Variants in IMPG1 observed in about 807,000 individuals in gnomAD.
The protein encoded by IMPG1 is interphotoreceptor matrix proteoglycan 1.
In IMPG1, 85 loss-of-function variants were observed where a neutral mutation model predicts 92.0. That is an observed-to-expected ratio of 0.92 (90% CI 0.78 to 1.11). The LOEUF (loss-of-function observed/expected upper bound fraction) is 1.11, where lower values mean the gene tolerates loss of function less well. IMPG1 is among the 50% of genes least tolerant of loss of function. The probability of loss-of-function intolerance (pLI) is 0.00; values close to 1 mark genes in which losing one functional copy is unlikely to be tolerated. For synonymous variants in IMPG1, 367 were observed against 334.1 expected (o/e 1.10, Z -1.08); for missense variants, 1,022 against 956.0 (o/e 1.07, Z -0.91).
intron 15 of IMPG1, among the ~76,000 whole-genome samples, chr6:75,929,694 TATA>T (rs1366023797): frequency 6.7e-6 from 1 of 149,752 alleles, no homozygotes; most frequent in Admixed American, 6.7e-5. Flanking sequence ...AAACTTAAAG[TATA>T]ATAATAATAA....
chr6:75,991,343 A>T (rs1230331128), intron 12 of IMPG1, among the ~76,000 whole-genome samples: 1 of 151,864 alleles, frequency 6.6e-6, no homozygotes, highest in Non-Finnish European at 1.5e-5. Context: ...GTGAGCCAAG[A>T]TTGCACCACT....
At chr6:75,964,880 C>T (rs1368763763) in intron 12 of IMPG1, among the ~76,000 whole-genome samples, 1 of 152,080 alleles carries the variant, frequency 6.6e-6, no homozygotes, top group Non-Finnish European at 1.5e-5. Context: ...CCCACCCATA[C>T]CCTTCTTAAC....
At chr6:75,972,623 C>T (rs1782442375) in intron 12 of IMPG1, among the ~76,000 whole-genome samples, 1 of 152,190 alleles carries the variant, frequency 6.6e-6, no homozygotes, top group Non-Finnish European at 1.5e-5. Context: ...AATGAACAGT[C>T]TCCCAATTTT....
intron 13 of IMPG1, among the ~76,000 whole-genome samples, chr6:75,948,331 C>G (rs772905098): frequency 6.6e-6 from 1 of 151,988 alleles, no homozygotes; most frequent in Non-Finnish European, 1.5e-5. Context: ...ATGTTTGAAA[C>G]TCAGTGATGT....
intron 12 of IMPG1, among the ~76,000 whole-genome samples, chr6:75,974,428 GCTTCCTTC>G (rs1224488663): frequency 7.3e-5 from 7 of 96,314 alleles, no homozygotes; most frequent in African/African-American, 2.5e-4. Flanking sequence ...TTCCTTCCTT[GCTTCCTTC>G]CTTCCTTCCT....
intron 12 of IMPG1, among the ~76,000 whole-genome samples, chr6:75,994,247 G>A (rs1782861777): frequency 6.6e-6 from 1 of 152,208 alleles, no homozygotes; most frequent in Non-Finnish European, 1.5e-5. Flanking sequence ...TGTGTAGGAG[G>A]ACAAAGCATG....
At chr6:75,992,947 G>C (rs1367257193) in intron 12 of IMPG1, among the ~76,000 whole-genome samples, 1 of 152,066 alleles carries the variant, frequency 6.6e-6, no homozygotes, top group Non-Finnish European at 1.5e-5. Context: ...ATGTACCTCT[G>C]TTTAGTCTAT....
chr6:75,927,441 A>C (rs1226645815), intron 15 of IMPG1, among the ~76,000 whole-genome samples: 2 of 152,140 alleles, frequency 1.3e-5, no homozygotes, highest in East Asian at 3.9e-4. Flanking sequence ...ATTTCATCAC[A>C]TAAATGATAG....
chr6:75,971,665 G>A (rs1782419874), intron 12 of IMPG1, among the ~76,000 whole-genome samples: 1 of 152,052 alleles, frequency 6.6e-6, no homozygotes, highest in East Asian at 1.9e-4. Flanking sequence ...GGAGTGTCAG[G>A]AAAAAATGTG....
chr6:75,946,627 T>C (rs1175622050), intron 14 of IMPG1, among the ~76,000 whole-genome samples: 4 of 152,230 alleles, frequency 2.6e-5, no homozygotes, highest in Non-Finnish European at 5.9e-5. Flanking sequence ...TTTGCTTTAT[T>C]ATCAGAGCAA....
At chr6:75,933,663 G>A (rs1781697290) in intron 14 of IMPG1, among the ~76,000 whole-genome samples, 1 of 152,344 alleles carries the variant, frequency 6.6e-6, no homozygotes, top group Non-Finnish European at 1.5e-5. Flanking sequence ...TAGCATCCCA[G>A]TAGATTCTGG....
In IMPG1 at chr6:75,931,027, G is replaced by T. The variant is rs370665501; in HGVS notation, c.2169C>A (p.Asp723Glu). 1 of 1,614,038 alleles carries T rather than the reference G, an allele frequency of 6.2e-7. No homozygotes were observed. The highest frequency in any genetic ancestry group is 1.7e-5 in the Admixed American group (1 of 59,994). Residue 723 changes from aspartate (D) to glutamate (E), a missense_variant, in exon 15 of 17, where the codon GAC (aspartate) becomes GAA (glutamate). Transcript: ENST00000369950. ...KPGYDSQGSL[D>E]GLEPGLCGPG... is the part of the protein sequence containing the mutation. ...GGCCACAGAGGCCTGGTTCCAGACC[G>T]TCCAGGCTCCCCTGGCTGTCATATC...
intron 15 of IMPG1, among the ~76,000 whole-genome samples, chr6:75,926,360 T>C (rs1734824795): frequency 6.6e-6 from 1 of 152,116 alleles, no homozygotes; most frequent in African/African-American, 2.4e-5. Context: ...GAGAAAGAGC[T>C]CCAAAGGGAG....
intron 7 of IMPG1, among the ~76,000 whole-genome samples, chr6:76,012,854 T>A (rs886372701): frequency 1.3e-5 from 2 of 152,198 alleles, no homozygotes; most frequent in Non-Finnish European, 2.9e-5. Flanking sequence ...TCTGCCTTTG[T>A]CCTCAGCCTC....
chr6:75,955,563 CCT>C (rs1468210144), intron 12 of IMPG1, among the ~76,000 whole-genome samples: 1 of 152,204 alleles, frequency 6.6e-6, no homozygotes, highest in Non-Finnish European at 1.5e-5. Flanking sequence ...AATTCGACTT[CCT>C]CTCTTCCTAT....
chr6:75,970,130 TA>T (rs1292886334), intron 12 of IMPG1, among the ~76,000 whole-genome samples: 1 of 152,146 alleles, frequency 6.6e-6, no homozygotes, highest in Non-Finnish European at 1.5e-5. Context: ...AAGGATATTT[TA>T]AAAAAATTCT....
intron 2 of IMPG1, among the ~76,000 whole-genome samples, chr6:76,038,519 G>C (rs181517852): frequency 9.2e-5 from 14 of 152,174 alleles, no homozygotes; most frequent in African/African-American, 3.1e-4. Context: ...TACCCACCAG[G>C]ATAGTCCCCC....
chr6:76,042,043 T>C lies in IMPG1; in HGVS notation c.151A>G (p.Met51Val). ...CGTCTCATAGTTGACATTTTGTACA[T>C]TTTTTCAGTACTTTCAGTTGTTTCA... ...RNETTESTEK[M>V]YKMSTMRRIF... Residue 51 changes from methionine (M) to valine (V), a missense_variant, in exon 2 of 17, where the codon ATG becomes GTG. Met to Val is a conservative substitution (Grantham distance 21). Coordinates refer to ENST00000369950, the MANE Select transcript of IMPG1 (RefSeq NM_001563.4). 6.2e-7 allele frequency: 1 copy of C among 1,611,952 alleles called. No individual in the cohort carries two copies. The highest frequency in any genetic ancestry group is 8.5e-7 in the Non-Finnish European group (1 of 1,177,998).
intron 12 of IMPG1, among the ~76,000 whole-genome samples, chr6:75,984,517 A>T (rs1470549399): frequency 6.6e-6 from 1 of 152,242 alleles, no homozygotes; most frequent in Non-Finnish European, 1.5e-5. Flanking sequence ...ATTTTTAAAA[A>T]GTTGAATTCT....
Sources: allele counts gnomAD v4.1 joint callset (sites outside exome capture counted in the v4.1 genomes callset), GRCh38; gene constraint gnomAD v4.1.1; transcripts MANE v1.5; gene names NCBI Gene and HGNC (gene_info 2026-07-23, HGNC 2026-07-21).